NRG3: variants seen among roughly 807,000 people sequenced by gnomAD.
NRG3 encodes pro-neuregulin-3, membrane-bound isoform.
In NRG3, 31 loss-of-function variants were observed where a neutral mutation model predicts 66.9. The observed-to-expected ratio is 0.46, with a 90% CI of 0.35 to 0.63. The LOEUF is 0.63. Ranked by LOEUF, NRG3 falls within the 20% of genes least tolerant of loss-of-function variation. The probability of loss-of-function intolerance (pLI) is 0.00; values close to 1 mark genes in which losing one functional copy is unlikely to be tolerated. For missense variants in NRG3, 910 were observed against 878.9 expected, an observed-to-expected ratio of 1.04 and a Z score of -0.45; for synonymous variants, 393 against 359.4, an observed-to-expected ratio of 1.09 and a Z score of -1.06.
chr10:82,809,358 C>A (rs1310956626), intron 3 of NRG3, among the ~76,000 whole-genome samples: 4 of 151,498 alleles, frequency 2.6e-5, no homozygotes, highest in African/African-American at 4.8e-5. Context: ...TAAAATATAT[C>A]ATTTATACAA....
At chr10:82,910,522 A>G (rs1323640393) in intron 4 of NRG3, among the ~76,000 whole-genome samples, 1 of 152,242 alleles carries the variant, frequency 6.6e-6, no homozygotes, top group African/African-American at 2.4e-5. Flanking sequence ...GCTAGCAGGA[A>G]GGCATGAATC....
intron 2 of NRG3, among the ~76,000 whole-genome samples, chr10:82,707,642 C>A (rs1245551442): frequency 6.6e-6 from 1 of 151,506 alleles, no homozygotes; most frequent in African/African-American, 2.4e-5. Flanking sequence ...GATCCTCCTG[C>A]CTCCACCTCC....
At chr10:82,416,601 T>C (rs2136199929) in intron 2 of NRG3, among the ~76,000 whole-genome samples, 1 of 152,310 alleles carries the variant, frequency 6.6e-6, no homozygotes. Context: ...GACTGGGTTC[T>C]TTGCTGTCAT....
chr10:82,066,344 A>G (rs1012741796), intron 1 of NRG3, among the ~76,000 whole-genome samples: 5 of 152,108 alleles, frequency 3.3e-5, no homozygotes, highest in African/African-American at 4.8e-5. Flanking sequence ...TACCTTTTCA[A>G]TGTACATATG....
chr10:82,800,825 A>G (rs1340366219), intron 3 of NRG3, among the ~76,000 whole-genome samples: 1 of 152,194 alleles, frequency 6.6e-6, no homozygotes, highest in African/African-American at 2.4e-5. Flanking sequence ...CCTTAAGGTG[A>G]CCTGAGCAGA....
intron 3 of NRG3, among the ~76,000 whole-genome samples, chr10:82,776,491 G>C (rs2059916639): frequency 1.3e-5 from 2 of 152,048 alleles, no homozygotes; most frequent in African/African-American, 2.4e-5. Flanking sequence ...GAAGTCTTTA[G>C]CTATTATTTT....
chr10:82,928,626 A>T (rs74235819), intron 4 of NRG3, among the ~76,000 whole-genome samples: 561 of 27,260 alleles, frequency 0.021, 7 homozygotes, highest in East Asian at 0.099. Context: ...TTTTTTTTTT[A>T]AAAGTAAATC....
intron 2 of NRG3, among the ~76,000 whole-genome samples, chr10:82,690,855 G>A (rs2054869662): frequency 6.6e-6 from 1 of 152,008 alleles, no homozygotes; most frequent in Non-Finnish European, 1.5e-5. Flanking sequence ...TTTAAATGAT[G>A]TAAAAATAAA....
chr10:81,895,308 A>T (rs958627491), intron 1 of NRG3, among the ~76,000 whole-genome samples: 11 of 152,152 alleles, frequency 7.2e-5, no homozygotes, highest in Non-Finnish European at 1.5e-4. Flanking sequence ...TTTTGCCATT[A>T]AAAAACCTTG....
Position 82,463,102 on chromosome 10 carries a change from G to A in NRG3, c.953+104234G>A, listed in dbSNP as rs552999254. Reference sequence around the variant, plus strand: ...TGGATGTATCCAGAAACTGACTAGTGAGCAGCGCTTTTAATATTTTAATTA... The same window carrying A: ...TGGATGTATCCAGAAACTGACTAGTAAGCAGCGCTTTTAATATTTTAATTA... On this transcript the variant is annotated intron_variant, in intron 2 of 8. Transcript: ENST00000372141. 9.2e-5 allele frequency among the ~76,000 whole-genome samples: 14 copies of A among 152,272 alleles called. No individual in the cohort carries two copies. The South Asian group carries it at 1.0e-3, about 11-fold the overall frequency.
At chr10:82,293,554 A>G (rs2079866021) in intron 1 of NRG3, among the ~76,000 whole-genome samples, 1 of 152,132 alleles carries the variant, frequency 6.6e-6, no homozygotes. Flanking sequence ...GAATTATATG[A>G]CCAATTTTTC....
chr10:82,162,590 C>T (rs2071685277), intron 1 of NRG3, among the ~76,000 whole-genome samples: 1 of 152,072 alleles, frequency 6.6e-6, no homozygotes, highest in African/African-American at 2.4e-5. Context: ...TATTGGCTGC[C>T]CTTTTTCACT....
At chr10:82,667,870 TG>T (rs1377450243) in intron 2 of NRG3, among the ~76,000 whole-genome samples, 1 of 152,220 alleles carries the variant, frequency 6.6e-6, no homozygotes, top group African/African-American at 2.4e-5. Context: ...TACATATGTA[TG>T]CATACACCCA....
At chr10:81,947,270 G>C (rs1589557541) in intron 1 of NRG3, among the ~76,000 whole-genome samples, 1 of 152,036 alleles carries the variant, frequency 6.6e-6, no homozygotes, top group East Asian at 1.9e-4. Context: ...GTTTATGTAG[G>C]ATTGAAGCCC....
chr10:82,858,141 G>A (rs2063911019), intron 3 of NRG3, among the ~76,000 whole-genome samples: 2 of 152,192 alleles, frequency 1.3e-5, no homozygotes, highest in Admixed American at 1.3e-4. Context: ...TGTTGACACA[G>A]CACTATGCTC....
intron 2 of NRG3, among the ~76,000 whole-genome samples, chr10:82,497,859 G>A (rs1843758320): frequency 6.6e-6 from 1 of 152,092 alleles, no homozygotes; most frequent in African/African-American, 2.4e-5. Context: ...CCCCACCAAC[G>A]ATAGACAAGG....
intron 3 of NRG3, among the ~76,000 whole-genome samples, chr10:82,743,977 C>T (rs543809535): frequency 1.3e-5 from 2 of 152,304 alleles, no homozygotes; most frequent in South Asian, 2.1e-4. Context: ...AATTCTGTGA[C>T]CACCTGATCT....
At chr10:82,356,850 A>G (rs1400867932) in intron 1 of NRG3, among the ~76,000 whole-genome samples, 3 of 152,348 alleles carry the variant, frequency 2.0e-5, no homozygotes, top group East Asian at 3.9e-4. Context: ...TAAAATTATA[A>G]TGAGGTTTTT....
chr10:82,221,552 G>A (rs928547016), intron 1 of NRG3, among the ~76,000 whole-genome samples: 24 of 152,208 alleles, frequency 1.6e-4, no homozygotes, highest in Non-Finnish European at 3.5e-4. Context: ...ATTGAGAGAT[G>A]ATTCCACATA....
Sources: gnomAD v4.1 joint callset for allele counts (sites outside exome capture counted in the v4.1 genomes callset) on GRCh38, gnomAD v4.1.1 for gene constraint, MANE v1.5 for transcripts, NCBI Gene and HGNC (gene_info 2026-07-23, HGNC 2026-07-21) for gene names.